The following TDRD9 variants were observed in gnomAD, a reference collection of about 807,000 sequenced individuals.
TDRD9 encodes ATP-dependent RNA helicase TDRD9.
A neutral mutation model predicts 172.6 loss-of-function variants in TDRD9; 124 were observed. The observed-to-expected ratio is 0.72, with a 90% CI of 0.62 to 0.83. The LOEUF is 0.83. TDRD9 is among the 40% of genes least tolerant of loss of function. TDRD9 has a pLI of 0.00. For missense variants in TDRD9, 1,479 were observed against 1,714.1 expected (o/e 0.86, Z 2.42); for synonymous variants, 619 against 617.1 (o/e 1.00, Z -0.05).
At chr14:103,933,609 T>C (rs2030548374) in intron 1 of TDRD9, among the ~76,000 whole-genome samples, 2 of 152,226 alleles carry the variant, frequency 1.3e-5, no homozygotes, top group Admixed American at 6.6e-5. Context: ...GGTTTTGCCA[T>C]GTTGCCCAGG....
At position 103,963,885 on chromosome 14, in the gene TDRD9, G is replaced by A. The variant is rs552270677; in HGVS notation, c.420+709G>A. On this transcript the variant is annotated intron_variant, in intron 3 of 35. Coordinates refer to ENST00000409874, the MANE Select transcript of TDRD9 (RefSeq NM_153046.3). Reference sequence around the variant, plus strand: ...CATATCAATTGTTAGAAGGATAAGAGCTTAAATAAGTTTAGAGTGGAGGTC... The same window carrying A: ...CATATCAATTGTTAGAAGGATAAGAACTTAAATAAGTTTAGAGTGGAGGTC... 7.4e-4 allele frequency among the ~76,000 whole-genome samples: 112 copies of A among 152,318 alleles called. 2 individuals are homozygous for A. The South Asian group carries it at 0.013, about 18-fold the overall frequency.
chr14:103,944,268 G>A, intron 1 of TDRD9, among the ~76,000 whole-genome samples: 1 of 150,836 alleles, frequency 6.6e-6, no homozygotes, highest in East Asian at 2.0e-4. Flanking sequence ...TTTTGTTTCA[G>A]CCAGGCCACG....
rs111515796 is a variant in TDRD9 at position 104,021,624 on chromosome 14, C to G, written c.2433-533C>G. On this transcript the variant is annotated intron_variant, in intron 23 of 35. Transcript: ENST00000409874. ...AGGAGAATCTCTTGAATCTGGGAGG[C>G]GGAGGTTGCAGTGAGCCAAGATGAC... 2.1e-3 allele frequency among the ~76,000 whole-genome samples: 323 copies of G among 152,112 alleles called. 4 individuals carry two copies. Among genetic ancestry groups the G allele is most frequent in the African/African-American group, 7.4e-3 (308 of 41,490 alleles).
rs2033656781 is a variant in TDRD9, at chr14:103,986,261, A to G, written c.1056A>G (p.Ile352Met). 6.2e-7 allele frequency: 1 copy of G among 1,613,544 alleles called. No homozygotes were observed. The highest frequency in any genetic ancestry group is 8.5e-7 in the Non-Finnish European group (1 of 1,179,638). The change falls in exon 8 of 36, where the codon ATA becomes ATG. Residue 352 changes from isoleucine to methionine, a missense_variant. Coordinates refer to ENST00000409874, the MANE Select transcript of TDRD9 (RefSeq NM_153046.3). The stretch of plus-strand genomic sequence containing the variant: ...AGGAACCGGTGATAACTAAGGATAT[A>G]TATGAAGTTGCTGTCTCTCTCATTC... ...LLEEPVITKDIYEVAVSLIQM... is the reference protein window; with the variant it reads ...LLEEPVITKDMYEVAVSLIQM...
chr14:103,963,848 G>T (rs1187977992), intron 3 of TDRD9, among the ~76,000 whole-genome samples: 3 of 152,160 alleles, frequency 2.0e-5, no homozygotes, highest in Admixed American at 6.5e-5. Context: ...AAATTAATTT[G>T]TATTTCCTGA....
intron 19 of TDRD9, among the ~76,000 whole-genome samples, chr14:104,007,853 C>G (rs897702661): frequency 5.3e-5 from 8 of 152,028 alleles, no homozygotes; most frequent in African/African-American, 1.5e-4. Context: ...TCTTGGCTCA[C>G]TGCAAGCTCT....
Position 104,006,808 on chromosome 14 carries a change from G to T in TDRD9, c.1970G>T (p.Ser657Ile). 3 of 1,613,520 alleles carry T rather than the reference G, an allele frequency of 1.9e-6. No homozygotes were observed. Among genetic ancestry groups the T allele is most frequent in the Non-Finnish European group, 2.5e-6 (3 of 1,179,660 alleles). ...AACAAAGTGAATTTCTCTGGCAGTAGCAAGAGTGACTGTATTGCACTTGTT... is the reference window on the plus strand; with the variant it reads ...AACAAAGTGAATTTCTCTGGCAGTATCAAGAGTGACTGTATTGCACTTGTT... Reference protein sequence around the residue: ...YRNKVNFSGSSKSDCIALVEA... With the variant: ...YRNKVNFSGSIKSDCIALVEA... Residue 657 changes from serine (S) to isoleucine (I), a missense_variant, in exon 18 of 36, where the codon AGC becomes ATC. Transcript: ENST00000409874.
chr14:103,930,743 C>A (rs79620903), intron 1 of TDRD9, among the ~76,000 whole-genome samples: 3,461 of 152,258 alleles, frequency 0.023, 77 homozygotes, highest in East Asian at 0.071. Context: ...GCCGCCTCCC[C>A]TACTTAATGG....
intron 14 of TDRD9, among the ~76,000 whole-genome samples, chr14:104,004,568 C>CAGGG (rs890413390): frequency 1.6e-4 from 24 of 152,092 alleles, no homozygotes; most frequent in African/African-American, 5.8e-4. Context: ...TTAGTAGAGA[C>CAGGG]AGGGTTTCAC....
intron 32 of TDRD9, 36 bp from the exon 33 acceptor site, chr14:104,040,160 T>C (rs1177036190): frequency 7.2e-7 from 1 of 1,381,800 alleles, no homozygotes; most frequent in African/African-American, 1.5e-5. Context: ...TTAACAATTC[T>C]GAAATAATGG....
intron 1 of TDRD9, among the ~76,000 whole-genome samples, chr14:103,948,105 C>T (rs1249824591): frequency 6.6e-6 from 1 of 152,086 alleles, no homozygotes; most frequent in East Asian, 1.9e-4. Context: ...TCTCGACCTC[C>T]TAGGCTTAAG....
In TDRD9 at chr14:103,928,533, G is replaced by T. The variant is rs1168281728; in HGVS notation, c.24G>T (p.Glu8Asp). MLRKLTI[E>D]QINDWFTIGK... ...GGATGCTGCGGAAGCTCACCATCGA[G>T]CAGATCAACGACTGGTTCACCATCG... The change falls in exon 1 of 36, where the codon GAG (glutamate) becomes GAT (aspartate). Residue 8 changes from glutamate to aspartate, a missense_variant. By Grantham distance (45) the Glu-to-Asp change is conservative. Around this residue, in one of 3 missense-constraint regions of TDRD9, gnomAD observed 63 missense variants for 48.4 expected, o/e 1.30. Transcript: ENST00000409874. The T allele has an allele frequency of 3.5e-6, 5 of 1,409,922 alleles. No individual in the cohort carries two copies. The highest frequency in any genetic ancestry group is 1.5e-5 in the African/African-American group (1 of 65,654). 87.3% of individuals were successfully genotyped at this position (1,409,922 alleles called of 1,614,324 possible).
chr14:104,042,311 G>A, intron 34 of TDRD9, 124 bp downstream of exon 34: 1 of 670,452 alleles, frequency 1.5e-6, no homozygotes, highest in Non-Finnish European at 2.6e-6. Flanking sequence ...GAGTGCCAGT[G>A]CTGGAGGCAG....
chr14:103,946,866 C>T (rs980238033), intron 1 of TDRD9, among the ~76,000 whole-genome samples: 1 of 152,148 alleles, frequency 6.6e-6, no homozygotes, highest in African/African-American at 2.4e-5. Flanking sequence ...ATGAGAAGTG[C>T]AAAACATTGC....
chr14:103,928,706 C>G lies in TDRD9; in HGVS notation c.197C>G (p.Pro66Arg). ...GCTCTGGCCCAAGCTCCGGCCCGGC[C>G]GGCCGCTGCGTTCGAAAGGTAGGAC... ...APALAQAPAR[P>R]AAAFERSLSQ... The change falls in exon 1 of 36, where the codon CCG (proline) becomes CGG (arginine). Residue 66 changes from proline (P) to arginine (R), a missense_variant. Around this residue, in one of 3 missense-constraint regions of TDRD9, gnomAD observed 1,413 missense variants for 1,649.1 expected, o/e 0.86. Transcript: ENST00000409874. 1 of 1,179,566 alleles carries G rather than the reference C, an allele frequency of 8.5e-7. No homozygotes were observed. Among genetic ancestry groups the G allele is most frequent in the Non-Finnish European group, 1.1e-6 (1 of 945,682 alleles). 73.1% of individuals were successfully genotyped at this position (1,179,566 alleles called of 1,614,324 possible). A position where few individuals can be genotyped will look rare whatever the true frequency, so the allele number is the denominator to read the frequency against.
chr14:103,965,260 A>G lies in TDRD9; in HGVS notation c.421-73A>G. On this transcript the variant is annotated intron_variant, in intron 3 of 35. Transcript: ENST00000409874. ...AGATGAAAGAAAAATAAATCCTGAA[A>G]GACTTCTTAATATAGGTGATACTTT... 2.2e-6 allele frequency: 3 copies of G among 1,355,108 alleles called. No individual in the cohort carries two copies. The South Asian group carries it at 3.9e-5, about 18-fold the overall frequency. 83.9% of individuals were successfully genotyped at this position (1,355,108 alleles called of 1,614,324 possible). A position where few individuals can be genotyped will look rare whatever the true frequency, so the allele number is the denominator to read the frequency against.
chr14:104,033,721 G>A (rs747271687), intron 30 of TDRD9, among the ~76,000 whole-genome samples: 7 of 152,230 alleles, frequency 4.6e-5, no homozygotes, highest in East Asian at 1.9e-4. Context: ...AGGAGTGGTC[G>A]GGATCATGCA....
chr14:103,985,299 A>C (rs554951907), intron 7 of TDRD9, among the ~76,000 whole-genome samples: 6 of 152,114 alleles, frequency 3.9e-5, no homozygotes, highest in Non-Finnish European at 7.4e-5. Context: ...GGAGGGACCC[A>C]GTGGGAGGTA....
Position 104,031,259 on chromosome 14 carries a change from G to A in TDRD9, c.3434G>A (p.Cys1145Tyr). ...ACCAATAAACTGGGTACTCCAAACT[G>A]TAAGGTGATTGTAGGAGTTTTAAAA... ...FSTNKLGTPN[C>Y]KAELHGPFNP... The change falls in exon 29 of 36, where the codon TGT becomes TAT. Residue 1145 changes from cysteine to tyrosine, a missense_variant. Transcript: ENST00000409874. 1 of 1,548,130 alleles carries A rather than the reference G, an allele frequency of 6.5e-7. No homozygotes were observed. The highest frequency in any genetic ancestry group is 8.7e-7 in the Non-Finnish European group (1 of 1,145,864).
Sources: gnomAD v4.1 joint callset for allele counts (sites outside exome capture counted in the v4.1 genomes callset) on GRCh38, gnomAD v4.1.1 for gene constraint, gnomAD v4.1.1 regional missense constraint, MANE v1.5 for transcripts, NCBI Gene and HGNC (gene_info 2026-07-23, HGNC 2026-07-21) for gene names.